EFNA5: variants seen among roughly 807,000 people sequenced by gnomAD.
EFNA5 encodes ephrin A5, also known as ephrin-A5.
Under a neutral mutation model 22.9 loss-of-function variants are expected in EFNA5, and 5 were observed. The observed-to-expected ratio is 0.22, with a 90% confidence interval of 0.11 to 0.46. The LOEUF (loss-of-function observed/expected upper bound fraction) is 0.46, where lower values mean the gene tolerates loss of function less well. Ranked by LOEUF, EFNA5 falls within the 20% of genes least tolerant of loss-of-function variation. The probability of loss-of-function intolerance (pLI) is 0.99; values close to 1 mark genes in which losing one functional copy is unlikely to be tolerated. For synonymous variants in EFNA5, 113 were observed against 112.2 expected (o/e 1.01, Z -0.04); for missense variants, 237 against 293.3 (o/e 0.81, Z 1.40).
At position 107,419,195 on chromosome 5, in the gene EFNA5, T is replaced by C. The variant is rs77263019; in HGVS notation, c.418+8022A>G. 3.2e-3 allele frequency among the ~76,000 whole-genome samples: 486 copies of C among 152,310 alleles called. 5 individuals carry two copies. The highest frequency in any genetic ancestry group is 0.011 in the African/African-American group (455 of 41,572). On this transcript the variant is annotated intron_variant, in intron 2 of 4. Transcript: ENST00000333274. ...CTGTTTTCATAAGAGGAAATTACAA[T>C]TAACAGAATAATTTCCACAAGTCCC... is the stretch of plus-strand genomic sequence containing the variant.
At chr5:107,510,147 C>T (rs1169038111) in intron 1 of EFNA5, among the ~76,000 whole-genome samples, 1 of 152,200 alleles carries the variant, frequency 6.6e-6, no homozygotes, top group South Asian at 2.1e-4. Context: ...CAACCAAAAT[C>T]CACGAAAACC....
At chr5:107,527,574 T>C (rs1297962030) in intron 1 of EFNA5, among the ~76,000 whole-genome samples, 2 of 151,506 alleles carry the variant, frequency 1.3e-5, no homozygotes, top group Non-Finnish European at 2.9e-5. Context: ...CATGAGCCAC[T>C]GCACCCAGCC....
chr5:107,537,037 G>A (rs192729325), intron 1 of EFNA5, among the ~76,000 whole-genome samples: 6 of 151,480 alleles, frequency 4.0e-5, no homozygotes, highest in African/African-American at 2.4e-5. Context: ...CCCAGGAGGC[G>A]GAGGTTGCAG....
intron 2 of EFNA5, among the ~76,000 whole-genome samples, chr5:107,416,052 A>C (rs1037120667): frequency 6.6e-6 from 1 of 152,230 alleles, no homozygotes; most frequent in Non-Finnish European, 1.5e-5. Flanking sequence ...TACTCTTGCT[A>C]ATCATTAAAT....
chr5:107,521,471 TATATA>T (rs1365488898), intron 1 of EFNA5, among the ~76,000 whole-genome samples: 3 of 131,010 alleles, frequency 2.3e-5, no homozygotes, highest in African/African-American at 7.5e-5. Context: ...TATATATATA[TATATA>T]TTTTTTTTTT....
intron 2 of EFNA5, among the ~76,000 whole-genome samples, chr5:107,398,079 G>A (rs1747976716): frequency 6.6e-6 from 1 of 152,060 alleles, no homozygotes; most frequent in Non-Finnish European, 1.5e-5. Flanking sequence ...TGTGGCCCAG[G>A]CTGGAATGCA....
chr5:107,491,920 C>T (rs1344653286), intron 1 of EFNA5, among the ~76,000 whole-genome samples: 14 of 152,194 alleles, frequency 9.2e-5, no homozygotes, highest in South Asian at 2.1e-4. Context: ...CTGCAACCTC[C>T]GCCTCCAGGG....
chr5:107,513,937 C>T (rs550250177), intron 1 of EFNA5, among the ~76,000 whole-genome samples: 6 of 152,260 alleles, frequency 3.9e-5, no homozygotes, highest in Non-Finnish European at 7.3e-5. Context: ...GGGTCAGCGT[C>T]GCACAGGTGT....
At chr5:107,633,999 G>A (rs769907488) in intron 1 of EFNA5, among the ~76,000 whole-genome samples, 114 of 152,142 alleles carry the variant, frequency 7.5e-4, no homozygotes, top group Non-Finnish European at 1.2e-3. Context: ...TAAGAGAAAA[G>A]ACATAGTTTC....
chr5:107,621,087 G>C (rs996156487), intron 1 of EFNA5, among the ~76,000 whole-genome samples: 2 of 152,176 alleles, frequency 1.3e-5, no homozygotes, highest in African/African-American at 4.8e-5. Context: ...TCATCCTTTA[G>C]GAAATGTGGA....
intron 1 of EFNA5, among the ~76,000 whole-genome samples, chr5:107,569,919 C>T (rs563921497): frequency 6.6e-6 from 1 of 151,104 alleles, no homozygotes; most frequent in East Asian, 1.9e-4. Context: ...AATTCCACTT[C>T]CTAAGCAAGT....
At chr5:107,546,231 C>T (rs781212564) in intron 1 of EFNA5, among the ~76,000 whole-genome samples, 1 of 152,140 alleles carries the variant, frequency 6.6e-6, no homozygotes, top group Non-Finnish European at 1.5e-5. Flanking sequence ...TTGTAGGGGC[C>T]GCCCTCCTAG....
chr5:107,597,760 A>G (rs1432626535), intron 1 of EFNA5, among the ~76,000 whole-genome samples: 1 of 152,132 alleles, frequency 6.6e-6, no homozygotes, highest in Non-Finnish European at 1.5e-5. Context: ...TGAACCAGAG[A>G]TTTTCAACAT....
chr5:107,388,744 G>A (rs963929555), intron 2 of EFNA5, among the ~76,000 whole-genome samples: 3 of 152,204 alleles, frequency 2.0e-5, no homozygotes, highest in African/African-American at 7.2e-5. Context: ...TTTGCTTCAA[G>A]TGGTTTCTTT....
intron 1 of EFNA5, among the ~76,000 whole-genome samples, chr5:107,653,921 C>T (rs1246887726): frequency 6.6e-6 from 1 of 152,084 alleles, no homozygotes; most frequent in African/African-American, 2.4e-5. Context: ...AATGCAAGAG[C>T]TCTAGGTGAA....
At chr5:107,398,638 A>C (rs1370262538) in intron 2 of EFNA5, among the ~76,000 whole-genome samples, 1 of 151,956 alleles carries the variant, frequency 6.6e-6, no homozygotes, top group African/African-American at 2.4e-5. Context: ...CTTGAGCCCG[A>C]GAGTTTGAGA....
intron 1 of EFNA5, among the ~76,000 whole-genome samples, chr5:107,501,342 T>G (rs1280661304): frequency 6.6e-6 from 1 of 152,230 alleles, no homozygotes; most frequent in Non-Finnish European, 1.5e-5. Flanking sequence ...AGTCTTTAGC[T>G]ACAAATTAAG....
chr5:107,604,627 A>G (rs977748374), intron 1 of EFNA5, among the ~76,000 whole-genome samples: 1 of 152,332 alleles, frequency 6.6e-6, no homozygotes, highest in East Asian at 1.9e-4. Flanking sequence ...AAAAAAATAA[A>G]TATCATAATG....
intron 1 of EFNA5, among the ~76,000 whole-genome samples, chr5:107,507,648 G>A (rs1343752238): frequency 2.6e-5 from 4 of 151,892 alleles, no homozygotes; most frequent in Non-Finnish European, 5.9e-5. Context: ...ACCAGCCTGG[G>A]CAACACGGCA....
Sources: gnomAD v4.1 joint callset for allele counts (sites outside exome capture counted in the v4.1 genomes callset) on GRCh38, gnomAD v4.1.1 for gene constraint, MANE v1.5 for transcripts, NCBI Gene and HGNC (gene_info 2026-07-23, HGNC 2026-07-21) for gene names.